TTLL5: variants seen among roughly 807,000 people sequenced by gnomAD.
TTLL5 encodes the protein tubulin tyrosine ligase like 5.
A neutral mutation model predicts 168.4 loss-of-function variants in TTLL5; 132 were observed. The ratio of observed to expected loss-of-function variants is 0.78; its 90% CI spans 0.68 to 0.91. The LOEUF (loss-of-function observed/expected upper bound fraction) is 0.91. Ranked by LOEUF, TTLL5 falls within the 40% of genes least tolerant of loss-of-function variation. The pLI is 0.00. For synonymous variants in TTLL5, 546 were observed against 558.6 expected (o/e 0.98, Z 0.32); for missense variants, 1,545 against 1,581.5 (o/e 0.98, Z 0.39).
At chr14:75,899,459 A>G (rs2032824135) in intron 30 of TTLL5, among the ~76,000 whole-genome samples, 1 of 152,246 alleles carries the variant, frequency 6.6e-6, no homozygotes, top group Non-Finnish European at 1.5e-5. Context: ...ATATTTACCC[A>G]TAATGTGCCT....
At position 75,946,536 on chromosome 14, in the gene TTLL5, A is replaced by C. The variant is rs143195587; in HGVS notation, c.3824-7888A>C. Among the ~76,000 whole-genome samples, 481 of 152,356 alleles carry C rather than the reference A, an allele frequency of 3.2e-3. 2 individuals are homozygous for C. Among genetic ancestry groups the C allele is most frequent in the Middle Eastern group, 0.017 (5 of 294 alleles). ...CCCTTTCCAAAATGTGAGTTGACTC[A>C]ATGTTCCAGTGAAGGTCAAAGACTG... On this transcript the variant is annotated intron_variant, in intron 31 of 31. Transcript: ENST00000298832.
intron 27 of TTLL5, among the ~76,000 whole-genome samples, chr14:75,793,317 C>T (rs1162207845): frequency 6.6e-6 from 1 of 152,148 alleles, no homozygotes; most frequent in African/African-American, 2.4e-5. Flanking sequence ...AAGTCTGCTA[C>T]TGGATATGAT....
chr14:75,874,912 A>C (rs957589466), intron 29 of TTLL5, among the ~76,000 whole-genome samples: 1 of 142,184 alleles, frequency 7.0e-6, no homozygotes, highest in Non-Finnish European at 1.5e-5. Context: ...TGACACAGAG[A>C]AAAAAAAAGA....
At chr14:75,895,117 GCA>G (rs915304891) in intron 30 of TTLL5, among the ~76,000 whole-genome samples, 1 of 152,122 alleles carries the variant, frequency 6.6e-6, no homozygotes, top group African/African-American at 2.4e-5. Context: ...CATTTTAGGG[GCA>G]CATGTTCTCA....
At chr14:75,884,314 T>C (rs2031978935) in intron 30 of TTLL5, among the ~76,000 whole-genome samples, 1 of 152,220 alleles carries the variant, frequency 6.6e-6, no homozygotes, top group Non-Finnish European at 1.5e-5. Context: ...TTATTGCCAG[T>C]ACCCTCAGAA....
chr14:75,672,417 T>C (rs1006722848), intron 3 of TTLL5, among the ~76,000 whole-genome samples: 1 of 151,706 alleles, frequency 6.6e-6, no homozygotes, highest in Non-Finnish European at 1.5e-5. Context: ...GGCTAATTTT[T>C]GTATTTTTAG....
intron 30 of TTLL5, among the ~76,000 whole-genome samples, chr14:75,894,291 C>T (rs528325655): frequency 6.6e-6 from 1 of 152,312 alleles, no homozygotes; most frequent in African/African-American, 2.4e-5. Flanking sequence ...GTGGCTCATG[C>T]CTGTAATCCT....
chr14:75,825,644 A>G (rs1272057677), intron 28 of TTLL5, among the ~76,000 whole-genome samples: 2 of 152,172 alleles, frequency 1.3e-5, no homozygotes, highest in East Asian at 3.8e-4. Flanking sequence ...AAAGAGCACA[A>G]TCAAAGAGAA....
rs758751613 is a variant in TTLL5, at chr14:75,764,656, T to TGAA, written c.1593_1595dup (p.Leu531_Asn532insLys). The TGAA allele has an allele frequency of 6.2e-7, 1 of 1,614,144 alleles. No individual in the cohort carries two copies. The highest frequency in any genetic ancestry group is 8.5e-7 in the Non-Finnish European group (1 of 1,179,982). ...GCGCCAGAATTGAAGATAGAGAGTC[T>TGAA]GAATTCAAAGGCCAAGCTGCATGCT... On this transcript the variant is annotated inframe_insertion, in exon 19 of 32. Coordinates refer to ENST00000298832, the MANE Select transcript of TTLL5 (RefSeq NM_015072.5).
intron 30 of TTLL5, among the ~76,000 whole-genome samples, chr14:75,883,370 G>C (rs1427348911): frequency 6.6e-6 from 1 of 152,214 alleles, no homozygotes; most frequent in East Asian, 1.9e-4. Context: ...TTTTTGTTAA[G>C]TCAAAATCCT....
intron 2 of TTLL5, among the ~76,000 whole-genome samples, chr14:75,665,047 T>G (rs1883157616): frequency 6.6e-6 from 1 of 152,208 alleles, no homozygotes; most frequent in African/African-American, 2.4e-5. Context: ...AATGAAGGCT[T>G]TATACTTTAC....
chr14:75,753,344 C>T (rs1467642691), intron 18 of TTLL5, among the ~76,000 whole-genome samples: 1 of 151,956 alleles, frequency 6.6e-6, no homozygotes, highest in Non-Finnish European at 1.5e-5. Context: ...GGAGGTAATT[C>T]GTAAAATAAA....
intron 6 of TTLL5, among the ~76,000 whole-genome samples, chr14:75,691,406 T>TA (rs771155782): frequency 6.6e-6 from 1 of 152,192 alleles, no homozygotes; most frequent in Non-Finnish European, 1.5e-5. Context: ...AAGTCCAAAT[T>TA]ACGGTGGTAA....
At chr14:75,929,574 G>A (rs971080860) in intron 31 of TTLL5, among the ~76,000 whole-genome samples, 4 of 149,862 alleles carry the variant, frequency 2.7e-5, no homozygotes, top group Admixed American at 6.7e-5. Context: ...TGCCTCAGCC[G>A]CCCAAGTAGC....
rs1198899364 is a variant in TTLL5 at position 75,923,366 on chromosome 14, T to TAC, written c.3823+21147_3823+21148dup. On this transcript the variant is annotated intron_variant, in intron 31 of 31. Coordinates refer to ENST00000298832, the MANE Select transcript of TTLL5 (RefSeq NM_015072.5). ...GCATTTAGTGCTATAAATTTCCCTC[T>TAC]ACACACTGCTTTAAATGTGTCCCAG... Among the ~76,000 whole-genome samples, 8 of 152,338 alleles carry TAC rather than the reference T, an allele frequency of 5.3e-5. No individual in the cohort carries two copies. The East Asian group carries it at 1.5e-3, about 29-fold the overall frequency.
intron 1 of TTLL5, among the ~76,000 whole-genome samples, chr14:75,662,555 T>C (rs981419428): frequency 6.6e-6 from 1 of 150,912 alleles, no homozygotes; most frequent in Non-Finnish European, 1.5e-5. Context: ...GTCAGGCTGG[T>C]CTCGAACTCC....
At chr14:75,910,483 C>T (rs1393003916) in intron 31 of TTLL5, among the ~76,000 whole-genome samples, 1 of 152,186 alleles carries the variant, frequency 6.6e-6, no homozygotes, top group East Asian at 1.9e-4. Context: ...TCCAGGTTAT[C>T]GATCTGTTCA....
At chr14:75,907,837 T>G (rs1384282219) in intron 31 of TTLL5, among the ~76,000 whole-genome samples, 1 of 152,216 alleles carries the variant, frequency 6.6e-6, no homozygotes, top group Non-Finnish European at 1.5e-5. Flanking sequence ...AGAAGGTCAG[T>G]ATTTCCCTTA....
intron 27 of TTLL5, among the ~76,000 whole-genome samples, chr14:75,809,875 A>G (rs774637632): frequency 5.9e-5 from 9 of 152,144 alleles, no homozygotes; most frequent in South Asian, 4.1e-4. Context: ...AGTTCCATCT[A>G]TGTTCTGCAA....
Sources: gnomAD v4.1 joint callset for allele counts (sites outside exome capture counted in the v4.1 genomes callset) on GRCh38, gnomAD v4.1.1 for gene constraint, MANE v1.5 for transcripts, NCBI Gene and HGNC (gene_info 2026-07-23, HGNC 2026-07-21) for gene names.